Variants in CAMKK2 observed in about 807,000 individuals in gnomAD.
CAMKK2 encodes the protein calcium/calmodulin dependent protein kinase kinase 2.
In CAMKK2, 30 loss-of-function variants were observed where a neutral mutation model predicts 67.2. That is an observed-to-expected ratio of 0.45 (90% CI 0.33 to 0.61). CAMKK2 has a LOEUF of 0.61. CAMKK2 is among the 20% of genes least tolerant of loss of function. CAMKK2 has a pLI of 0.02. For missense variants in CAMKK2, 643 were observed against 802.0 expected (o/e 0.80, Z 2.39); for synonymous variants, 322 against 326.2 (o/e 0.99, Z 0.14).
At chr12:121,251,149 G>A (rs1033635126) in intron 11 of CAMKK2, among the ~76,000 whole-genome samples, 1 of 152,226 alleles carries the variant, frequency 6.6e-6, no homozygotes, top group African/African-American at 2.4e-5. Context: ...ATTTCATTAA[G>A]AGCAGTGACT....
chr12:121,289,347 C>A (rs932457847), intron 1 of CAMKK2, among the ~76,000 whole-genome samples: 1 of 152,220 alleles, frequency 6.6e-6, no homozygotes, highest in Non-Finnish European at 1.5e-5. Context: ...TCACTAACGT[C>A]CCCAACGGGG....
chr12:121,294,503 C>T (rs1042658864), intron 1 of CAMKK2, among the ~76,000 whole-genome samples: 7 of 152,210 alleles, frequency 4.6e-5, no homozygotes, highest in Admixed American at 1.3e-4. Context: ...AGAGCTGCAT[C>T]GGCAAACACT....
chr12:121,252,929 A>T (rs1891078345), intron 10 of CAMKK2, among the ~76,000 whole-genome samples: 1 of 152,170 alleles, frequency 6.6e-6, no homozygotes, highest in African/African-American at 2.4e-5. Flanking sequence ...GCATGGGCAC[A>T]TGACCCATGT....
At chr12:121,290,519 C>T (rs1899774087) in intron 1 of CAMKK2, among the ~76,000 whole-genome samples, 1 of 152,094 alleles carries the variant, frequency 6.6e-6, no homozygotes, top group African/African-American at 2.4e-5. Context: ...AAGACCCTGT[C>T]TCTACAAAAA....
chr12:121,256,017 C>T (rs1235335634), intron 7 of CAMKK2, among the ~76,000 whole-genome samples: 1 of 152,200 alleles, frequency 6.6e-6, no homozygotes, highest in East Asian at 1.9e-4. Context: ...TTTCTGACGT[C>T]CCCAGGCCCA....
At chr12:121,256,068 C>G (rs540358179) in intron 7 of CAMKK2, among the ~76,000 whole-genome samples, 6 of 152,312 alleles carry the variant, frequency 3.9e-5, no homozygotes, top group Admixed American at 3.9e-4. Context: ...GGCCCAGGAT[C>G]CACTGGTCAA....
At chr12:121,250,367 GAAC>G (rs1157088071) in intron 11 of CAMKK2, among the ~76,000 whole-genome samples, 5 of 152,276 alleles carry the variant, frequency 3.3e-5, no homozygotes, top group East Asian at 1.9e-4. Context: ...TGAACAACAG[GAAC>G]AACAAGAATA....
intron 5 of CAMKK2, among the ~76,000 whole-genome samples, chr12:121,264,467 ACT>A (rs1159222000): frequency 1.3e-5 from 2 of 150,994 alleles, no homozygotes; most frequent in Non-Finnish European, 2.9e-5. Context: ...CGAAACCCTG[ACT>A]CTATAAAAAT....
intron 1 of CAMKK2, among the ~76,000 whole-genome samples, chr12:121,282,300 A>G (rs1021297657): frequency 8.5e-5 from 13 of 152,230 alleles, no homozygotes; most frequent in African/African-American, 2.9e-4. Flanking sequence ...GAAGTGGATG[A>G]TGATGACGAG....
rs748291040 is a variant in CAMKK2 at position 121,263,924 on chromosome 12, C to T, written c.641G>A (p.Arg214Gln). 8 of 1,604,262 alleles carry T rather than the reference C, an allele frequency of 5.0e-6. No individual in the cohort carries two copies. Among genetic ancestry groups the T allele is most frequent in the South Asian group, 2.2e-5 (2 of 90,370 alleles). The change falls in exon 6 of 17, where the codon CGA becomes CAA. Residue 214 changes from arginine (R) to glutamine (Q), a missense_variant. Arg to Gln is a conservative substitution (Grantham distance 43). Around this residue, in one of 3 missense-constraint regions of CAMKK2, gnomAD observed 483 missense variants for 625.8 expected, o/e 0.77. Coordinates refer to ENST00000404169, the MANE Select transcript of CAMKK2 (RefSeq NM_001270485.2). ...GCCTCCAGGAGCTGGCCGGGTGCCT[C>T]GGGGTGGAGGGCGACCTGAAGGAAA... Reference protein sequence around the residue: ...QAGFPRRPPPRGTRPAPGGCI... With the variant: ...QAGFPRRPPPQGTRPAPGGCI...
Position 121,240,524 on chromosome 12 carries a change from C to CTTTTTTT in CAMKK2, c.*168_*174dup. ...ACGGTCGACGTCATGGAGTCAAGTCCTTTTTTTTTTTTTGTCCCCTTTAAA... is the reference window on the plus strand; with the variant it reads ...ACGGTCGACGTCATGGAGTCAAGTCCTTTTTTTTTTTTTTTTTTTTGTCCCCTTTAAA... On this transcript the variant is annotated 3_prime_UTR_variant, in exon 17 of 17. Transcript: ENST00000404169. This position sits in a 1 kb window ranked among gnomAD's most constrained non-coding sequence, Gnocchi z 4.4. 5 of 1,471,432 alleles carry CTTTTTTT rather than the reference C, an allele frequency of 3.4e-6. No individual in the cohort carries two copies. The highest frequency in any genetic ancestry group is 2.5e-5 in the South Asian group (2 of 79,950). The allele number at this position is 1,471,432 out of a possible 1,614,324, so 91.1% of individuals were successfully genotyped here. A position where few individuals can be genotyped will look rare whatever the true frequency, so the allele number is the denominator to read the frequency against.
intron 6 of CAMKK2, among the ~76,000 whole-genome samples, chr12:121,263,507 T>C (rs1011146777): frequency 3.9e-5 from 6 of 152,114 alleles, no homozygotes; most frequent in South Asian, 2.1e-4. Flanking sequence ...TATGTGTAAG[T>C]AGAAAGAGAA....
rs201642203 is a variant in CAMKK2, at chr12:121,240,584, G to C, written c.*115C>G. ...GAAAAAACAAATAACCAGAGATGACGATCGAGGCTCTACACACGTGCTGGG... is the reference window on the plus strand; with the variant it reads ...GAAAAAACAAATAACCAGAGATGACCATCGAGGCTCTACACACGTGCTGGG... On this transcript the variant is annotated 3_prime_UTR_variant, in exon 17 of 17. Transcript: ENST00000404169. This position sits in a 1 kb window ranked among gnomAD's most constrained non-coding sequence, Gnocchi z 4.4. 2.6e-6 allele frequency: 4 copies of C among 1,530,670 alleles called. No individual in the cohort carries two copies. The Admixed American group carries it at 8.0e-5, about 31-fold the overall frequency. The allele number at this position is 1,530,670 out of a possible 1,614,324, so 94.8% of individuals were successfully genotyped here.
chr12:121,240,955 T>G lies in CAMKK2; in HGVS notation c.1597-86A>C. 7.2e-7 allele frequency: 1 copy of G among 1,390,670 alleles called. No individual in the cohort carries two copies. Among genetic ancestry groups the G allele is most frequent in the Non-Finnish European group, 9.9e-7 (1 of 1,005,390 alleles). 86.1% of individuals were successfully genotyped at this position (1,390,670 alleles called of 1,614,324 possible). ...CAGCTGCTCCCACATCTGGGCCCCCTGCCCAAGTGGGCCGTCGCGCACCCC... is the reference window on the plus strand; with the variant it reads ...CAGCTGCTCCCACATCTGGGCCCCCGGCCCAAGTGGGCCGTCGCGCACCCC... On this transcript the variant is annotated intron_variant, in intron 16 of 16. Transcript: ENST00000404169. This position sits in a 1 kb window ranked among gnomAD's most constrained non-coding sequence, Gnocchi z 4.4.
At position 121,253,566 on chromosome 12, in the gene CAMKK2, ACCCCTCTGATGCCTTGTCTCCCACAG is replaced by A; in HGVS notation, c.908-120_908-95del. 9.4e-7 allele frequency: 1 copy of A among 1,065,192 alleles called. No individual in the cohort carries two copies. 66.0% of individuals were successfully genotyped at this position (1,065,192 alleles called of 1,614,324 possible). On this transcript the variant is annotated intron_variant, in intron 9 of 16. Transcript: ENST00000404169. The surrounding 1 kb of genome is among the most constrained non-coding windows in gnomAD (Gnocchi z 5.0). ...CATGGCCTGGAGACACAGGCATGGC[ACCCCTCTGATGCCTTGTCTCCCACAG>A]CCCCAGGCCTTTTCCAACCTTCCAC...
At chr12:121,273,615 C>T (rs994539120) in intron 2 of CAMKK2, among the ~76,000 whole-genome samples, 2 of 152,080 alleles carry the variant, frequency 1.3e-5, no homozygotes, top group African/African-American at 4.8e-5. Flanking sequence ...ACCTCAGTCT[C>T]TTTGCTGGAG....
At chr12:121,280,392 C>A (rs533142554) in intron 1 of CAMKK2, among the ~76,000 whole-genome samples, 1 of 152,180 alleles carries the variant, frequency 6.6e-6, no homozygotes, top group South Asian at 2.1e-4. Context: ...GTCTCAGGAC[C>A]CTGTGATAAT....
Position 121,274,091 on chromosome 12 carries a change from C to T in CAMKK2, c.436G>A (p.Val146Met). The T allele has an allele frequency of 6.5e-7, 1 of 1,527,912 alleles. No homozygotes were observed. Among genetic ancestry groups the T allele is most frequent in the Non-Finnish European group, 8.8e-7 (1 of 1,137,682 alleles). The allele number at this position is 1,527,912 out of a possible 1,614,324, so 94.6% of individuals were successfully genotyped here. A position where few individuals can be genotyped will look rare whatever the true frequency, so the allele number is the denominator to read the frequency against. The change falls in exon 2 of 17, where the codon GTG (valine) becomes ATG (methionine). Residue 146 changes from valine (V) to methionine (M), a missense_variant. By Grantham distance (21) the Val-to-Met change is conservative (BLOSUM62 1). This residue lies in a region of CAMKK2 where 483 missense variants were observed against 625.8 expected (regional missense o/e 0.77). Transcript: ENST00000404169. The part of the protein sequence containing the change: ...SSPRLPRRPT[V>M]ESHHVSITGM... ...GTGATGGAGACGTGGTGAGACTCCA[C>T]TGTCGGCCGCCGGGGCAGCCGAGGC...
At position 121,245,531 on chromosome 12, in the gene CAMKK2, T is replaced by C. The variant is rs1889277051; in HGVS notation, c.1453-291A>G. Among the ~76,000 whole-genome samples the C allele has an allele frequency of 6.6e-6, 1 of 151,938 alleles. No individual in the cohort carries two copies. Among genetic ancestry groups the C allele is most frequent in the Admixed American group, 6.6e-5 (1 of 15,266 alleles). ...CCTCCCATCCCTTCCAAAACCCAGATCTGGTCCCCTCACTCCCTGACTCAG... is the reference window on the plus strand; with the variant it reads ...CCTCCCATCCCTTCCAAAACCCAGACCTGGTCCCCTCACTCCCTGACTCAG... On this transcript the variant is annotated intron_variant, in intron 14 of 16. Coordinates refer to ENST00000404169, the MANE Select transcript of CAMKK2 (RefSeq NM_001270485.2). This position sits in a 1 kb window ranked among gnomAD's most constrained non-coding sequence, Gnocchi z 5.8.
Sources: gnomAD v4.1 joint callset for allele counts (sites outside exome capture counted in the v4.1 genomes callset) on GRCh38, gnomAD v4.1.1 for gene constraint, gnomAD v4.1.1 regional missense constraint, Gnocchi (gnomAD v3.1) non-coding constraint, MANE v1.5 for transcripts, NCBI Gene and HGNC (gene_info 2026-07-23, HGNC 2026-07-21) for gene names.